ASIC2: variants seen among roughly 807,000 people sequenced by gnomAD.
ASIC2 encodes the protein acid sensing ion channel subunit 2, also known as acid-sensing ion channel 2.
Under a neutral mutation model 57.3 loss-of-function variants are expected in ASIC2, and 25 were observed. The observed-to-expected ratio is 0.44, with a 90% CI of 0.32 to 0.61. The LOEUF (loss-of-function observed/expected upper bound fraction) is 0.61, where lower values mean the gene tolerates loss of function less well. Among genes scored for constraint, ASIC2 ranks in the 20% least tolerant of loss-of-function variants. The pLI is 0.06. For missense variants in ASIC2, 641 were observed against 738.1 expected (o/e 0.87, Z 1.52); for synonymous variants, 319 against 307.5 (o/e 1.04, Z -0.39).
intron 1 of ASIC2, among the ~76,000 whole-genome samples, chr17:34,011,018 C>CTCCAGACACATG (rs1906707815): frequency 0.015 from 58 of 3,856 alleles, 2 homozygotes; most frequent in South Asian, 0.017. Flanking sequence ...ACACAGATGC[C>CTCCAGACACATG]AAAGTCAGAC....
intron 1 of ASIC2, among the ~76,000 whole-genome samples, chr17:33,371,573 G>A (rs1308867632): frequency 6.6e-6 from 1 of 152,178 alleles, no homozygotes; most frequent in Non-Finnish European, 1.5e-5. Context: ...TCTGTGTGAC[G>A]TAGTCTTATT....
At chr17:33,162,950 T>G (rs946538072) in intron 1 of ASIC2, among the ~76,000 whole-genome samples, 1 of 152,232 alleles carries the variant, frequency 6.6e-6, no homozygotes, top group African/African-American at 2.4e-5. Context: ...CTTTTATACC[T>G]AAAGTGATCA....
At chr17:34,065,327 G>A (rs12602886) in intron 1 of ASIC2, among the ~76,000 whole-genome samples, 72,451 of 151,882 alleles carry the variant, frequency 0.48, 20,438 homozygotes, top group Non-Finnish European at 0.62. Context: ...GCTAAGCTAT[G>A]AGGATGCAAC....
At chr17:33,185,870 G>T (rs530365413) in intron 1 of ASIC2, among the ~76,000 whole-genome samples, 1 of 152,296 alleles carries the variant, frequency 6.6e-6, no homozygotes, top group South Asian at 2.1e-4. Context: ...CGGGTAGAGT[G>T]CTCAGAGGGT....
chr17:33,270,842 T>C (rs556931178), intron 1 of ASIC2, among the ~76,000 whole-genome samples: 2 of 152,248 alleles, frequency 1.3e-5, no homozygotes, highest in Admixed American at 1.3e-4. Context: ...CTTCTGTTTA[T>C]TGAGCACCTA....
chr17:33,982,409 T>C (rs1185617796), intron 1 of ASIC2, among the ~76,000 whole-genome samples: 1 of 152,188 alleles, frequency 6.6e-6, no homozygotes, highest in African/African-American at 2.4e-5. Context: ...TAACTTATGC[T>C]GGTGGGCCTG....
intron 1 of ASIC2, among the ~76,000 whole-genome samples, chr17:33,194,268 C>G (rs1906541006): frequency 6.6e-6 from 1 of 152,238 alleles, no homozygotes; most frequent in East Asian, 1.9e-4. Context: ...CAATGCCATT[C>G]TGACCAAGAG....
chr17:33,291,063 A>G (rs73285917), intron 1 of ASIC2: 3,823 of 281,728 alleles, frequency 0.014, 131 homozygotes, highest in African/African-American at 0.08. Flanking sequence ...AGTTTCTTGG[A>G]GTCCTGAGGG....
chr17:33,147,558 C>G (rs1250073959), intron 1 of ASIC2, among the ~76,000 whole-genome samples: 1 of 150,412 alleles, frequency 6.6e-6, no homozygotes, highest in Non-Finnish European at 1.5e-5. Context: ...TTTTTTTTTT[C>G]TTACATTTAA....
At chr17:33,690,071 G>A (rs1405611988) in intron 1 of ASIC2, among the ~76,000 whole-genome samples, 1 of 152,172 alleles carries the variant, frequency 6.6e-6, no homozygotes, top group Non-Finnish European at 1.5e-5. Flanking sequence ...AACTCTCTCT[G>A]CAAATAGAGG....
chr17:33,487,405 A>G (rs1421878944), intron 1 of ASIC2, among the ~76,000 whole-genome samples: 1 of 152,194 alleles, frequency 6.6e-6, no homozygotes, highest in Non-Finnish European at 1.5e-5. Flanking sequence ...AGTTAAGAGC[A>G]CTGGCTTTGG....
At chr17:33,982,501 C>A (rs1409491438) in intron 1 of ASIC2, among the ~76,000 whole-genome samples, 1 of 152,156 alleles carries the variant, frequency 6.6e-6, no homozygotes, top group Admixed American at 6.5e-5. Context: ...CTGAGTCCAG[C>A]GTTGCTATGG....
intron 1 of ASIC2, among the ~76,000 whole-genome samples, chr17:33,612,359 G>A (rs1400961836): frequency 3.3e-5 from 5 of 152,144 alleles, no homozygotes; most frequent in Non-Finnish European, 7.3e-5. Flanking sequence ...TCAGAGCAAT[G>A]AACTGATGCT....
chr17:34,108,089 T>TA lies in ASIC2; in HGVS notation c.555+47888dup, dbSNP rs1271636046. Among the ~76,000 whole-genome samples the TA allele has an allele frequency of 5.9e-5, 9 of 152,286 alleles. No individual in the cohort carries two copies. The East Asian group carries it at 1.5e-3, about 26-fold the overall frequency. ...TGCTCATTTGTATCTCGCTTTTTTT[T>TA]ACTTATAAACATCTCTTTGAAATCA... On this transcript the variant is annotated intron_variant, in intron 1 of 9. Coordinates refer to the ASIC2 transcript ENST00000359872.
At chr17:33,410,782 A>G (rs1479444398) in intron 1 of ASIC2, among the ~76,000 whole-genome samples, 1 of 152,208 alleles carries the variant, frequency 6.6e-6, no homozygotes. Context: ...GAGACAGGCA[A>G]AGTTGTCCAG....
At chr17:33,447,346 T>G (rs976811785) in intron 1 of ASIC2, among the ~76,000 whole-genome samples, 8 of 152,140 alleles carry the variant, frequency 5.3e-5, no homozygotes, top group Non-Finnish European at 8.8e-5. Flanking sequence ...ATACCACTAA[T>G]CAGGAGGAGA....
chr17:33,654,651 A>G (rs1339815645), intron 1 of ASIC2, among the ~76,000 whole-genome samples: 2 of 152,232 alleles, frequency 1.3e-5, no homozygotes, highest in Non-Finnish European at 2.9e-5. Flanking sequence ...TGTGCTTGGC[A>G]CAATTAGCTG....
intron 1 of ASIC2, among the ~76,000 whole-genome samples, chr17:33,242,854 G>T (rs319757): frequency 0.097 from 14,765 of 152,182 alleles, 747 homozygotes; most frequent in Middle Eastern, 0.16. Context: ...GTGCAGGGAA[G>T]GTGGGCAGGG....
Position 33,442,621 on chromosome 17 carries a change from G to A in ASIC2, c.556-330554C>T, listed in dbSNP as rs900150858. Reference sequence around the variant, plus strand: ...TTGAAAAGATGATCTTATATCATGCGCCTTTGCTAAATTTGTTCACTAGTT... The same window carrying A: ...TTGAAAAGATGATCTTATATCATGCACCTTTGCTAAATTTGTTCACTAGTT... On this transcript the variant is annotated intron_variant, in intron 1 of 9. Coordinates refer to the ASIC2 transcript ENST00000359872. Among the ~76,000 whole-genome samples, 13 of 151,898 alleles carry A rather than the reference G, an allele frequency of 8.6e-5. 1 individual carries two copies. The highest frequency in any genetic ancestry group is 1.9e-4 in the East Asian group (1 of 5,176).
Sources: gnomAD v4.1 joint callset for allele counts (sites outside exome capture counted in the v4.1 genomes callset) on GRCh38, gnomAD v4.1.1 for gene constraint, MANE v1.5 for transcripts, NCBI Gene and HGNC (gene_info 2026-07-23, HGNC 2026-07-21) for gene names.